The following MB21D2 variants were observed in gnomAD, a reference collection of about 807,000 sequenced individuals.
MB21D2 encodes Mab-21 domain containing 2.
A neutral mutation model predicts 33.3 loss-of-function variants in MB21D2; 9 were observed. The observed-to-expected ratio is 0.27, with a 90% CI of 0.16 to 0.47. The LOEUF (loss-of-function observed/expected upper bound fraction) is 0.47. Ranked by LOEUF, MB21D2 falls within the 20% of genes least tolerant of loss-of-function variation. The pLI, the probability that MB21D2 is intolerant of heterozygous loss-of-function variation, is 0.99. For synonymous variants in MB21D2, 241 were observed against 236.3 expected (o/e 1.02, Z -0.18); for missense variants, 540 against 624.6 (o/e 0.86, Z 1.44).
At position 192,798,518 on chromosome 3, in the gene MB21D2, G is replaced by T. The variant is rs201294966; in HGVS notation, c.1344C>A (p.Asn448Lys). 8.7e-6 allele frequency: 14 copies of T among 1,614,100 alleles called. No individual in the cohort carries two copies. Among genetic ancestry groups the T allele is most frequent in the Non-Finnish European group, 1.2e-5 (14 of 1,180,044 alleles). ...TTTTTGCCAAACGGTCATCAGGCTG[G>T]TTGGGGTCCCCTCCGTCAGACTGTG... ...PSPQSDGGDP[N>K]QPDDRLAKKL... Residue 448 changes from asparagine (N) to lysine (K), a missense_variant, in exon 2 of 2, where the codon AAC (asparagine) becomes AAA (lysine). Coordinates refer to ENST00000392452, the MANE Select transcript of MB21D2 (RefSeq NM_178496.4). The surrounding 1 kb of genome is among the most constrained non-coding windows in gnomAD (Gnocchi z 4.8).
chr3:192,807,783 G>A (rs1340364198), intron 1 of MB21D2, among the ~76,000 whole-genome samples: 1 of 152,084 alleles, frequency 6.6e-6, no homozygotes, highest in East Asian at 1.9e-4. Flanking sequence ...AGAGACAAAG[G>A]TGAAGAGAAA....
In MB21D2 at chr3:192,798,135, A is replaced by G. The variant is rs28375990; in HGVS notation, c.*251T>C. ...TATGGCTTAAGATCTCCTTAAAAAG[A>G]AAAAAAACTCCAACAAACTAAAGAG... is the stretch of plus-strand genomic sequence containing the variant. On this transcript the variant is annotated 3_prime_UTR_variant, in exon 2 of 2. Coordinates refer to ENST00000392452, the MANE Select transcript of MB21D2 (RefSeq NM_178496.4). The surrounding 1 kb of genome is among the most constrained non-coding windows in gnomAD (Gnocchi z 4.8). The G allele has an allele frequency of 2.4e-6, 1 of 416,332 alleles. No individual in the cohort carries two copies. Among genetic ancestry groups the G allele is most frequent in the Non-Finnish European group, 4.2e-6 (1 of 235,388 alleles). The allele number at this position is 416,332 out of a possible 1,614,324, so 25.8% of individuals were successfully genotyped here.
chr3:192,881,427 T>A (rs915071633), intron 1 of MB21D2, among the ~76,000 whole-genome samples: 4 of 152,094 alleles, frequency 2.6e-5, no homozygotes, highest in African/African-American at 9.7e-5. Flanking sequence ...TTTATGGTTC[T>A]AAAACAAATG....
chr3:192,845,108 C>T (rs1418296530), intron 1 of MB21D2, among the ~76,000 whole-genome samples: 3 of 152,242 alleles, frequency 2.0e-5, no homozygotes, highest in African/African-American at 7.2e-5. Context: ...TTCATTGTCT[C>T]ACTTCCTTGG....
chr3:192,838,742 T>C (rs1712506736), intron 1 of MB21D2, among the ~76,000 whole-genome samples: 1 of 152,198 alleles, frequency 6.6e-6, no homozygotes, highest in Non-Finnish European at 1.5e-5. Flanking sequence ...GGACATATTT[T>C]AAACCAGCAT....
intron 1 of MB21D2, among the ~76,000 whole-genome samples, chr3:192,868,593 G>A (rs930370231): frequency 3.3e-5 from 5 of 151,456 alleles, no homozygotes; most frequent in South Asian, 2.1e-4. Context: ...GATTTTTTCC[G>A]TTCCTAAATA....
intron 1 of MB21D2, among the ~76,000 whole-genome samples, chr3:192,907,552 A>G (rs1277188499): frequency 1.3e-5 from 2 of 152,180 alleles, no homozygotes; most frequent in Non-Finnish European, 2.9e-5. Flanking sequence ...CCTACGAATC[A>G]GTCACATCAC....
At chr3:192,847,119 G>C (rs1335647390) in intron 1 of MB21D2, among the ~76,000 whole-genome samples, 1 of 152,096 alleles carries the variant, frequency 6.6e-6, no homozygotes, top group Non-Finnish European at 1.5e-5. Flanking sequence ...GAGCTGTAAG[G>C]AATCTAAGCC....
At position 192,894,570 on chromosome 3, in the gene MB21D2, G is replaced by C. The variant is rs552599636; in HGVS notation, c.211+23060C>G. The stretch of plus-strand genomic sequence containing the variant: ...AATAGGGAGGCAACAGGTAACTGGA[G>C]AAACAAACCTGAGAACATGTAAAAG... On this transcript the variant is annotated intron_variant, in intron 1 of 1. Coordinates refer to ENST00000392452, the MANE Select transcript of MB21D2 (RefSeq NM_178496.4). 1.4e-4 allele frequency among the ~76,000 whole-genome samples: 21 copies of C among 152,262 alleles called. 1 individual carries two copies. In the South Asian group the frequency reaches 2.3e-3, roughly 17 times the overall value.
chr3:192,889,338 G>A (rs1442048483), intron 1 of MB21D2, among the ~76,000 whole-genome samples: 1 of 152,090 alleles, frequency 6.6e-6, no homozygotes, highest in Non-Finnish European at 1.5e-5. Context: ...ACAGACTGGT[G>A]AGTAGCTTGG....
At chr3:192,822,613 G>A (rs1274166553) in intron 1 of MB21D2, among the ~76,000 whole-genome samples, 1 of 152,246 alleles carries the variant, frequency 6.6e-6, no homozygotes, top group African/African-American at 2.4e-5. Context: ...CGATGAGCCA[G>A]TGATTTTTCC....
chr3:192,803,726 C>T (rs565853498), intron 1 of MB21D2, among the ~76,000 whole-genome samples: 1 of 152,282 alleles, frequency 6.6e-6, no homozygotes, highest in Non-Finnish European at 1.5e-5. Flanking sequence ...TTCAACTGTA[C>T]GCTTTGGCTG....
chr3:192,828,141 T>A (rs972933830), intron 1 of MB21D2, among the ~76,000 whole-genome samples: 1 of 152,090 alleles, frequency 6.6e-6, no homozygotes, highest in Non-Finnish European at 1.5e-5. Context: ...TTTTTCTTTA[T>A]AAATTACCCA....
At chr3:192,847,387 C>T (rs1053824396) in intron 1 of MB21D2, among the ~76,000 whole-genome samples, 2 of 152,120 alleles carry the variant, frequency 1.3e-5, no homozygotes, top group African/African-American at 4.8e-5. Flanking sequence ...AGAGAATGGG[C>T]TCTTCAGCAG....
chr3:192,809,653 A>G (rs575507819), intron 1 of MB21D2, among the ~76,000 whole-genome samples: 24 of 152,368 alleles, frequency 1.6e-4, no homozygotes, highest in Non-Finnish European at 2.9e-4. Context: ...TGGAGTAAAC[A>G]GATTTCTAGA....
rs571304600 is a variant in MB21D2, at chr3:192,854,363, G to A, written c.212-54713C>T. On this transcript the variant is annotated intron_variant, in intron 1 of 1. Transcript: ENST00000392452. ...AAAGCCAATGTCCAATCCAGAGCAT[G>A]GCCCTAACTCTCTTCAATTCTCTGA... Among the ~76,000 whole-genome samples the A allele has an allele frequency of 4.9e-4, 75 of 152,334 alleles. No individual in the cohort carries two copies. The South Asian group carries it at 8.1e-3, about 16-fold the overall frequency.
intron 1 of MB21D2, among the ~76,000 whole-genome samples, chr3:192,892,864 T>A (rs747176997): frequency 2.0e-5 from 3 of 152,194 alleles, no homozygotes; most frequent in East Asian, 3.8e-4. Flanking sequence ...ACAAAGGGCA[T>A]AGAATTATGT....
chr3:192,812,181 G>A (rs1711802236), intron 1 of MB21D2, among the ~76,000 whole-genome samples: 1 of 152,016 alleles, frequency 6.6e-6, no homozygotes, highest in South Asian at 2.1e-4. Flanking sequence ...CCGAGTAGCT[G>A]GGACTACAGA....
At chr3:192,910,045 A>G (rs1186508189) in intron 1 of MB21D2, among the ~76,000 whole-genome samples, 2 of 151,720 alleles carry the variant, frequency 1.3e-5, no homozygotes, top group Non-Finnish European at 1.5e-5. Flanking sequence ...GTTACATGAC[A>G]ATGTAGAACA....
Sources: gnomAD v4.1 joint callset for allele counts (sites outside exome capture counted in the v4.1 genomes callset) on GRCh38, gnomAD v4.1.1 for gene constraint, Gnocchi (gnomAD v3.1) non-coding constraint, MANE v1.5 for transcripts, NCBI Gene and HGNC (gene_info 2026-07-23, HGNC 2026-07-21) for gene names.